ACOT11: variants seen among roughly 807,000 people sequenced by gnomAD.
The protein encoded by ACOT11 is acyl-CoA thioesterase 11, also known as acyl-coenzyme A thioesterase 11.
ACOT11 carries 69 observed loss-of-function variants against 77.5 expected under a neutral mutation model. The ratio of observed to expected loss-of-function variants is 0.89; its 90% CI spans 0.73 to 1.09. The LOEUF (loss-of-function observed/expected upper bound fraction) is 1.09. ACOT11 is among the 50% of genes least tolerant of loss of function. ACOT11 has a pLI of 0.00. For synonymous variants in ACOT11, 279 were observed against 313.0 expected (o/e 0.89, Z 1.15); for missense variants, 766 against 813.7 (o/e 0.94, Z 0.71).
chr1:54,614,154 G>C (rs1644146620), downstream of ACOT11, among the ~76,000 whole-genome samples: 1 of 152,202 alleles, frequency 6.6e-6, no homozygotes, highest in African/African-American at 2.4e-5. Context: ...GTAAGGATGA[G>C]ATCAAAGACA....
chr1:54,578,690 CA>C (rs1372898899), intron 1 of ACOT11, among the ~76,000 whole-genome samples: 1 of 152,022 alleles, frequency 6.6e-6, no homozygotes, highest in Non-Finnish European at 1.5e-5. Context: ...CCTTTCCTTG[CA>C]TGCAAAATCA....
At chr1:54,634,469 A>G (rs1396677535) in intron 16 of ACOT11, among the ~76,000 whole-genome samples, 1 of 152,164 alleles carries the variant, frequency 6.6e-6, no homozygotes, top group African/African-American at 2.4e-5. Context: ...GATTCTTCAT[A>G]TGTGGTTCAT....
At chr1:54,600,301 T>C (rs912773790) in intron 8 of ACOT11, among the ~76,000 whole-genome samples, 1 of 152,190 alleles carries the variant, frequency 6.6e-6, no homozygotes, top group African/African-American at 2.4e-5. Context: ...AGGCCTTGGT[T>C]TCCCCATCTA....
chr1:54,577,878 G>A (rs1334258630), intron 1 of ACOT11, among the ~76,000 whole-genome samples: 1 of 152,244 alleles, frequency 6.6e-6, no homozygotes, highest in African/African-American at 2.4e-5. Context: ...GCTGCCCCAT[G>A]CAGCTCTGGT....
Position 54,628,597 on chromosome 1 carries a change from C to A in ACOT11, c.1630-2137C>A, listed in dbSNP as rs1406832719. Reference sequence around the variant, plus strand: ...GCATCAGAGCAAGACCCCATCGCCCCCCCCCCCCAAAAAAGGAAAAAAGAA... The same window carrying A: ...GCATCAGAGCAAGACCCCATCGCCCACCCCCCCCAAAAAAGGAAAAAAGAA... On this transcript the variant is annotated intron_variant, in intron 15 of 16. Coordinates refer to the ACOT11 transcript ENST00000371316. Among the ~76,000 whole-genome samples, 44 of 118,442 alleles carry A rather than the reference C, an allele frequency of 3.7e-4. 8 individuals are homozygous for A. The East Asian group carries it at 5.8e-3, about 16-fold the overall frequency. The allele number at this position is 118,442 out of a possible 152,430, so 77.7% of individuals were successfully genotyped here.
At chr1:54,611,866 C>T, downstream of ACOT11, 2 of 1,153,486 alleles carry the variant, frequency 1.7e-6, no homozygotes, top group Non-Finnish European at 2.5e-6. Context: ...TCCAGTCGCC[C>T]ACCTGCCACT....
At chr1:54,568,424 G>C (rs1028148855) in intron 1 of ACOT11, among the ~76,000 whole-genome samples, 1 of 138,596 alleles carries the variant, frequency 7.2e-6, no homozygotes, top group Non-Finnish European at 1.5e-5. Context: ...GAGTACAATG[G>C]TGCGACCTCG....
intron 1 of ACOT11, among the ~76,000 whole-genome samples, chr1:54,570,326 G>A (rs1420423869): frequency 6.6e-6 from 1 of 152,218 alleles, no homozygotes; most frequent in Non-Finnish European, 1.5e-5. Context: ...TGTCTTGGTA[G>A]AGAGAGGATG....
At chr1:54,613,754 T>C (rs368094206), downstream of ACOT11, among the ~76,000 whole-genome samples, 5 of 152,312 alleles carry the variant, frequency 3.3e-5, no homozygotes, top group East Asian at 5.8e-4. Context: ...ACAGGTCATA[T>C]TTATCTTGGG....
chr1:54,624,410 G>A lies in ACOT11; in HGVS notation c.1630-6324G>A, dbSNP rs78466830. 9.9e-3 allele frequency among the ~76,000 whole-genome samples: 1,504 copies of A among 152,272 alleles called. 20 individuals are homozygous for A. Among genetic ancestry groups the A allele is most frequent in the Non-Finnish European group, 0.014 (956 of 68,002 alleles). On this transcript the variant is annotated intron_variant, in intron 15 of 16. Coordinates refer to the ACOT11 transcript ENST00000371316. ...AGGGATTTTGGTCATGGGGCTTGTCGTGGGTCATTCCTGAGTCCATTTTCC... is the reference window on the plus strand; with the variant it reads ...AGGGATTTTGGTCATGGGGCTTGTCATGGGTCATTCCTGAGTCCATTTTCC...
At chr1:54,574,716 A>G (rs1372289900) in intron 1 of ACOT11, among the ~76,000 whole-genome samples, 1 of 152,148 alleles carries the variant, frequency 6.6e-6, no homozygotes, top group East Asian at 1.9e-4. Context: ...CCGGGATTCA[A>G]ATGCAATCTA....
At chr1:54,614,641 G>T, downstream of ACOT11, 1 of 1,534,190 alleles carries the variant, frequency 6.5e-7, no homozygotes, top group Non-Finnish European at 8.9e-7. Context: ...TCCCCATCCT[G>T]TGGTAGGTGT....
intron 1 of ACOT11, among the ~76,000 whole-genome samples, chr1:54,551,824 AC>A (rs754089902): frequency 1.3e-5 from 2 of 151,868 alleles, no homozygotes; most frequent in Non-Finnish European, 2.9e-5. Context: ...ATCTTGGCTC[AC>A]TGCAGCCTCT....
At chr1:54,605,832 T>C (rs1644017982) in intron 13 of ACOT11, among the ~76,000 whole-genome samples, 1 of 152,226 alleles carries the variant, frequency 6.6e-6, no homozygotes, top group South Asian at 2.1e-4. Context: ...AAGATAAATA[T>C]GTTCTTAGGA....
chr1:54,609,635 A>C lies in ACOT11; in HGVS notation c.*523A>C. On this transcript the variant is annotated 3_prime_UTR_variant, in exon 16 of 16. Transcript: ENST00000343744. ...GGGGAAGACCTCAGCCACAGCTGTA[A>C]GCAGCTCTCTGCCAGCCACATGGCC... The C allele has an allele frequency of 6.2e-7, 1 of 1,613,872 alleles. No individual in the cohort carries two copies. Among genetic ancestry groups the C allele is most frequent in the South Asian group, 1.1e-5 (1 of 91,086 alleles).
chr1:54,580,422 A>C (rs300270), intron 1 of ACOT11, among the ~76,000 whole-genome samples: 72,588 of 151,994 alleles, frequency 0.48, 19,022 homozygotes, highest in Non-Finnish European at 0.6. Context: ...CCTGGCCCCC[A>C]AGCCCCTCTT....
chr1:54,594,491 C>T (rs1654824762), intron 5 of ACOT11, 65 bp from the exon 6 acceptor site: 2 of 1,553,846 alleles, frequency 1.3e-6, no homozygotes, highest in Non-Finnish European at 1.7e-6. Context: ...GTGCTGGGGA[C>T]AGGCCCTTGT....
chr1:54,617,708 G>GTTTT (rs1644187369), intron 15 of ACOT11, among the ~76,000 whole-genome samples: 1 of 72,520 alleles, frequency 1.4e-5, no homozygotes, highest in Non-Finnish European at 3.2e-5. Flanking sequence ...CAGGGCCTGA[G>GTTTT]ATTTTTTTTT....
At chr1:54,621,912 G>A (rs1041856904) in intron 15 of ACOT11, 2 of 152,350 alleles carry the variant, frequency 1.3e-5, no homozygotes, top group East Asian at 1.9e-4. Flanking sequence ...CTCCCAAGAA[G>A]GGCACAGGAG....
Sources: gnomAD v4.1 joint callset for allele counts (sites outside exome capture counted in the v4.1 genomes callset) on GRCh38, gnomAD v4.1.1 for gene constraint, MANE v1.5 for transcripts, NCBI Gene and HGNC (gene_info 2026-07-23, HGNC 2026-07-21) for gene names.